Variants in WRN observed in about 807,000 individuals in gnomAD.
WRN encodes the protein bifunctional 3'-5' exonuclease/ATP-dependent helicase WRN.
In WRN, 149 loss-of-function variants were observed where a neutral mutation model predicts 180.7. The observed-to-expected ratio is 0.82, with a 90% CI of 0.72 to 0.94. WRN has a LOEUF of 0.94. Among genes scored for constraint, WRN ranks in the 40% least tolerant of loss-of-function variants. The probability of loss-of-function intolerance (pLI) is 0.00; values close to 1 mark genes in which losing one functional copy is unlikely to be tolerated. For synonymous variants in WRN, 548 were observed against 568.9 expected, an observed-to-expected ratio of 0.96 and a Z score of 0.52; for missense variants, 1,661 against 1,700.1, an observed-to-expected ratio of 0.98 and a Z score of 0.40.
At chr8:31,055,987 T>C (rs1812257496) in intron 1 of WRN, among the ~76,000 whole-genome samples, 1 of 152,204 alleles carries the variant, frequency 6.6e-6, no homozygotes, top group Non-Finnish European at 1.5e-5. Context: ...GACAAAGATA[T>C]TAGGTTTGTA....
rs1563397666 is a variant in WRN, at chr8:31,174,823, C to CCTTCCTT, written c.*1722_*1723insTTCCTTC. On this transcript the variant is annotated 3_prime_UTR_variant, in exon 35 of 35. Coordinates refer to ENST00000298139, the MANE Select transcript of WRN (RefSeq NM_000553.6). ...TTCCTTCCTTCCTTCCTTCCTTCCT[C>CCTTCCTT]CCTCCCTCCCTCCCTCCCTCCCTCC... is the stretch of plus-strand genomic sequence containing the variant. Among the ~76,000 whole-genome samples the CCTTCCTT allele has an allele frequency of 8.7e-4, 48 of 55,136 alleles. No individual in the cohort carries two copies. The highest frequency in any genetic ancestry group is 3.7e-3 in the African/African-American group (46 of 12,366). The allele number at this position is 55,136 out of a possible 152,430, so 36.2% of individuals were successfully genotyped here.
At chr8:31,046,154 T>C (rs1303396009) in intron 1 of WRN, among the ~76,000 whole-genome samples, 1 of 152,198 alleles carries the variant, frequency 6.6e-6, no homozygotes, top group Non-Finnish European at 1.5e-5. Context: ...AAAAATGAGA[T>C]AGGATAATAA....
chr8:31,044,342 C>CTTTTTTTTTTT (rs34518426), intron 1 of WRN, among the ~76,000 whole-genome samples: 1 of 68,314 alleles, frequency 1.5e-5, no homozygotes, highest in African/African-American at 5.4e-5. Context: ...GCCCGACCTT[C>CTTTTTTTTTTT]TTTTTTTTTT....
At chr8:31,102,392 A>T (rs748882866) in intron 18 of WRN, among the ~76,000 whole-genome samples, 1 of 152,234 alleles carries the variant, frequency 6.6e-6, no homozygotes, top group Non-Finnish European at 1.5e-5. Flanking sequence ...AACAACAGGG[A>T]TATGTTCTGA....
intron 16 of WRN, 107 bp from the exon 17 acceptor site, chr8:31,096,661 A>G (rs755399883): frequency 8.4e-5 from 73 of 869,346 alleles, no homozygotes; most frequent in African/African-American, 5.5e-4. Context: ...TTCATAAGGT[A>G]TCTTGATTTT....
At chr8:31,120,506 C>G in intron 21 of WRN, 82 bp downstream of exon 21, 1 of 1,363,278 alleles carries the variant, frequency 7.3e-7, no homozygotes. Flanking sequence ...GAGGCTATTT[C>G]CAGTATCCCA....
chr8:31,124,482 A>G (rs1387375958), intron 21 of WRN, 40 bp from the exon 22 acceptor site: 4 of 1,491,146 alleles, frequency 2.7e-6, no homozygotes, highest in Non-Finnish European at 2.8e-6. Context: ...AAAGTTGCCA[A>G]TACAGTTTTA....
intron 24 of WRN, 137 bp downstream of exon 24, chr8:31,132,643 C>T: frequency 1.7e-6 from 2 of 1,195,320 alleles, no homozygotes; most frequent in Non-Finnish European, 2.4e-6. Context: ...TTACTAAGTT[C>T]CAGTTAAACA....
At chr8:31,104,445 G>A (rs978935898) in intron 18 of WRN, among the ~76,000 whole-genome samples, 4 of 152,146 alleles carry the variant, frequency 2.6e-5, no homozygotes, top group Admixed American at 6.5e-5. Context: ...GGTCAGATAC[G>A]TGGTTTCAAA....
rs199556506 is a variant in WRN, at chr8:31,049,391, G to A, written c.-76-8981G>A. On this transcript the variant is annotated intron_variant, in intron 1 of 34. Coordinates refer to ENST00000298139, the MANE Select transcript of WRN (RefSeq NM_000553.6). ...TACAAAAAATACAAAAATTAGCTGG[G>A]CATGGTGGCATGTGCCTGTAGTCCC... Among the ~76,000 whole-genome samples the A allele has an allele frequency of 5.3e-5, 8 of 151,720 alleles. No homozygotes were observed. In the East Asian group the frequency reaches 1.6e-3, roughly 30 times the overall value.
At chr8:31,040,920 G>A (rs1464378177) in intron 1 of WRN, among the ~76,000 whole-genome samples, 4 of 152,112 alleles carry the variant, frequency 2.6e-5, no homozygotes, top group Admixed American at 2.6e-4. Flanking sequence ...TGATGATGTA[G>A]GAGATGGGAA....
At chr8:31,132,112 C>T (rs546122588) in intron 23 of WRN, among the ~76,000 whole-genome samples, 1 of 152,154 alleles carries the variant, frequency 6.6e-6, no homozygotes, top group East Asian at 1.9e-4. Context: ...TCTGAGGTGC[C>T]TCCCATGAAA....
chr8:31,117,482 T>C (rs1028676191), intron 20 of WRN, among the ~76,000 whole-genome samples: 2 of 152,170 alleles, frequency 1.3e-5, no homozygotes, highest in African/African-American at 4.8e-5. Context: ...CCTGACCTGA[T>C]TGGACTGGCT....
intron 32 of WRN, 62 bp downstream of exon 32, chr8:31,154,817 G>GTATTTTT: frequency 6.3e-7 from 1 of 1,596,742 alleles, no homozygotes; most frequent in Non-Finnish European, 8.6e-7. Flanking sequence ...TGTTTTATCA[G>GTATTTTT]CTTTTTAGTA....
chr8:31,130,030 A>C (rs939467801), intron 23 of WRN, among the ~76,000 whole-genome samples: 19 of 150,716 alleles, frequency 1.3e-4, no homozygotes, highest in African/African-American at 4.1e-4. Flanking sequence ...CAAAACAAAA[A>C]AAAAAACTAG....
At chr8:31,066,955 G>T (rs558866038) in intron 5 of WRN, 78 bp from the exon 6 acceptor site, 11 of 1,545,240 alleles carry the variant, frequency 7.1e-6, no homozygotes, top group Non-Finnish European at 8.9e-6. Flanking sequence ...TTTATTTGTG[G>T]TATGTTCATT....
chr8:31,097,090 T>A (rs1424946323), intron 17 of WRN, among the ~76,000 whole-genome samples: 1 of 152,228 alleles, frequency 6.6e-6, no homozygotes. Flanking sequence ...TCTGTTTTCT[T>A]CTGCTAGGCT....
At position 31,083,730 on chromosome 8, in the gene WRN, C is replaced by G. The variant is rs761035278; in HGVS notation, c.1301C>G (p.Thr434Arg). ...TCTCCCAATGATAATGAAAACGATACGTCCTATGTAATTGAGAGTGATGAA... is the reference window on the plus strand; with the variant it reads ...TCTCCCAATGATAATGAAAACGATAGGTCCTATGTAATTGAGAGTGATGAA... ...HLSPNDNEND[T>R]SYVIESDEDL... Residue 434 changes from threonine (T) to arginine (R), a missense_variant, in exon 10 of 35, where the codon ACG becomes AGG. By Grantham distance (71) the Thr-to-Arg change is moderately conservative. This residue lies in a region of WRN where 500 missense variants were observed against 504.1 expected (regional missense o/e 0.99). Coordinates refer to ENST00000298139, the MANE Select transcript of WRN (RefSeq NM_000553.6). 5 of 1,610,932 alleles carry G rather than the reference C, an allele frequency of 3.1e-6. No homozygotes were observed. In the Admixed American group the frequency reaches 8.3e-5, roughly 27 times the overall value.
chr8:31,094,118 C>T (rs906245328), intron 16 of WRN, among the ~76,000 whole-genome samples: 3 of 152,028 alleles, frequency 2.0e-5, no homozygotes, highest in African/African-American at 7.2e-5. Flanking sequence ...TATGACGGAG[C>T]GGAATGACTG....
Sources: gnomAD v4.1 joint callset for allele counts (sites outside exome capture counted in the v4.1 genomes callset) on GRCh38, gnomAD v4.1.1 for gene constraint, gnomAD v4.1.1 regional missense constraint, MANE v1.5 for transcripts, NCBI Gene and HGNC (gene_info 2026-07-23, HGNC 2026-07-21) for gene names.